The following CLIP1 variants were observed in gnomAD, a reference collection of about 807,000 sequenced individuals.
CLIP1 encodes CAP-Gly domain containing linker protein 1, also known as CAP-Gly domain-containing linker protein 1.
In CLIP1, 66 loss-of-function variants were observed where a neutral mutation model predicts 161.6. That is an observed-to-expected ratio of 0.41 (90% confidence interval 0.33 to 0.50). The LOEUF (loss-of-function observed/expected upper bound fraction) is 0.50. Among genes scored for constraint, CLIP1 ranks in the 20% least tolerant of loss-of-function variants. CLIP1 has a pLI of 0.27. For synonymous variants in CLIP1, 598 were observed against 626.2 expected, an observed-to-expected ratio of 0.96 and a Z score of 0.67; for missense variants, 1,376 against 1,702.0, an observed-to-expected ratio of 0.81 and a Z score of 3.37.
chr12:122,408,137 G>A (rs1956398091), intron 1 of CLIP1, among the ~76,000 whole-genome samples: 1 of 150,812 alleles, frequency 6.6e-6, no homozygotes, highest in Non-Finnish European at 1.5e-5. Flanking sequence ...TCAGGAGGCT[G>A]AGGCAGGACA....
chr12:122,361,518 CCAAA>C (rs1177550865), intron 4 of CLIP1, among the ~76,000 whole-genome samples: 7 of 152,154 alleles, frequency 4.6e-5, no homozygotes, highest in African/African-American at 1.4e-4. Context: ...TAAAACCGTG[CCAAA>C]CAAAGGGAAA....
At chr12:122,404,144 G>A (rs1460794082) in intron 1 of CLIP1, among the ~76,000 whole-genome samples, 1 of 152,232 alleles carries the variant, frequency 6.6e-6, no homozygotes, top group Non-Finnish European at 1.5e-5. Flanking sequence ...TGAACACAGG[G>A]AAAATGTGTG....
At chr12:122,276,578 G>A (rs905944883) in intron 24 of CLIP1, 9 of 996,024 alleles carry the variant, frequency 9.0e-6, no homozygotes, top group South Asian at 1.5e-5. Flanking sequence ...TGGTAAGTTT[G>A]TACAGTGTTG....
chr12:122,340,897 A>G lies in CLIP1; in HGVS notation c.2307T>C (p.Thr769=). The stretch of plus-strand genomic sequence containing the variant: ...CATCAAGATCCAAGAGCTTTTCTTC[A>G]GTAGCCTTGAGCTGTGATGTAAAAT... ...IDNFTSQLKA[T]EEKLLDLDAL... Residue 769 remains threonine (T), a synonymous_variant, in exon 11 of 26, where the codon ACT becomes ACC. Coordinates refer to ENST00000620786, the MANE Select transcript of CLIP1 (RefSeq NM_001247997.2). The G allele has an allele frequency of 6.2e-7, 1 of 1,614,180 alleles. No homozygotes were observed. Among genetic ancestry groups the G allele is most frequent in the Non-Finnish European group, 8.5e-7 (1 of 1,180,036 alleles).
At chr12:122,333,944 T>TTGTTATGTATGTAGTA in intron 14 of CLIP1, 83 bp downstream of exon 14, 1 of 816,350 alleles carries the variant, frequency 1.2e-6, no homozygotes, top group Non-Finnish European at 2.1e-6. Context: ...AATAGTACAT[T>TTGTTATGTATGTAGTA]TGTTATGTAA....
chr12:122,346,030 C>G (rs1952731216), intron 10 of CLIP1, among the ~76,000 whole-genome samples: 1 of 152,108 alleles, frequency 6.6e-6, no homozygotes, highest in African/African-American at 2.4e-5. Context: ...AGGTGATCCA[C>G]CCACCTCAGC....
chr12:122,292,302 T>A (rs1031707173), intron 20 of CLIP1, among the ~76,000 whole-genome samples: 1 of 152,044 alleles, frequency 6.6e-6, no homozygotes, highest in African/African-American at 2.4e-5. Context: ...TACTCCTGGC[T>A]TCCATTTATT....
chr12:122,417,625 G>C (rs1045097923), intron 1 of CLIP1, among the ~76,000 whole-genome samples: 1 of 147,604 alleles, frequency 6.8e-6, no homozygotes, highest in Non-Finnish European at 1.5e-5. Context: ...CCATTCTCCT[G>C]CCTCAGCCTC....
At chr12:122,331,189 T>A (rs754648162) in intron 15 of CLIP1, among the ~76,000 whole-genome samples, 23 of 151,558 alleles carry the variant, frequency 1.5e-4, no homozygotes, top group Non-Finnish European at 2.6e-4. Context: ...TAATTTTGTA[T>A]CTTTAGTAGA....
intron 17 of CLIP1, among the ~76,000 whole-genome samples, chr12:122,324,965 A>G (rs1025041190): frequency 1.3e-5 from 2 of 151,966 alleles, no homozygotes; most frequent in Admixed American, 1.3e-4. Context: ...ACTAAAAGGA[A>G]TAGTTTTTTT....
intron 3 of CLIP1, among the ~76,000 whole-genome samples, chr12:122,365,851 ATAAAAAAAATTAG>A (rs1320548939): frequency 6.6e-6 from 1 of 151,864 alleles, no homozygotes; most frequent in Non-Finnish European, 1.5e-5. Context: ...TGTACAAATA[ATAAAAAAAATTAG>A]CCGGGCATAG....
intron 3 of CLIP1, chr12:122,365,177 T>C: frequency 2.3e-6 from 1 of 430,916 alleles, no homozygotes; most frequent in South Asian, 4.0e-5. Flanking sequence ...ATGGCACATG[T>C]ATACATATGT....
rs1951689662 is a variant in CLIP1 at position 122,325,707 on chromosome 12, G to GCA, written c.3249+2238_3249+2239dup. ...CTCACTCTGTCACCCAGGCCAGAGT[G>GCA]CAGTGGCACCATCTCAGCTCACTGC... On this transcript the variant is annotated intron_variant, in intron 17 of 25. Coordinates refer to ENST00000620786, the MANE Select transcript of CLIP1 (RefSeq NM_001247997.2). Among the ~76,000 whole-genome samples the GCA allele has an allele frequency of 2.0e-5, 3 of 152,220 alleles. No individual in the cohort carries two copies. The South Asian group carries it at 6.3e-4, about 32-fold the overall frequency.
Position 122,357,814 on chromosome 12 carries a change from G to C in CLIP1, c.1006-2502C>G, listed in dbSNP as rs571385280. Among the ~76,000 whole-genome samples, 4 of 142,266 alleles carry C rather than the reference G, an allele frequency of 2.8e-5. No homozygotes were observed. In the South Asian group the frequency reaches 6.8e-4, roughly 24 times the overall value. 93.3% of individuals were successfully genotyped at this position (142,266 alleles called of 152,430 possible). A position where few individuals can be genotyped will look rare whatever the true frequency, so the allele number is the denominator to read the frequency against. The stretch of plus-strand genomic sequence containing the variant: ...TAGCCGCCCCATCCGGGAGGGAGGT[G>C]GGGGGGGTCAGCCCCCCGCCCGGCC... On this transcript the variant is annotated intron_variant, in intron 5 of 25. Transcript: ENST00000620786.
At chr12:122,278,121 C>A (rs1263464035) in intron 24 of CLIP1, 33 bp downstream of exon 24, 2 of 1,579,024 alleles carry the variant, frequency 1.3e-6, no homozygotes, top group South Asian at 2.3e-5. Context: ...TGAAAAACAG[C>A]AAGAAAGTAA....
Position 122,319,244 on chromosome 12 carries a change from T to C in CLIP1, c.3354A>G (p.Lys1118=), listed in dbSNP as rs372676041. 12 of 1,607,648 alleles carry C rather than the reference T, an allele frequency of 7.5e-6. No homozygotes were observed. The African/African-American group carries it at 1.5e-4, about 20-fold the overall frequency. Residue 1118 remains lysine, a synonymous_variant, in exon 18 of 26, where the codon AAA becomes AAG. Coordinates refer to ENST00000620786, the MANE Select transcript of CLIP1 (RefSeq NM_001247997.2). The part of the protein sequence containing the change: ...SLEDTKQTNA[K]LQNELDTLKE... Reference sequence around the variant, plus strand: ...TAAATCTGATTACTTCATTCTGTAGTTTTGCATTTGTTTGCTTGGTGTCCT... The same window carrying C: ...TAAATCTGATTACTTCATTCTGTAGCTTTGCATTTGTTTGCTTGGTGTCCT...
At chr12:122,387,759 T>A (rs1955391231) in intron 1 of CLIP1, among the ~76,000 whole-genome samples, 1 of 151,346 alleles carries the variant, frequency 6.6e-6, no homozygotes, top group Admixed American at 6.6e-5. Context: ...GCCAAATTTT[T>A]ATTTTTTTGT....
chr12:122,282,903 T>C lies in CLIP1; in HGVS notation c.3648-3758A>G, dbSNP rs542689241. On this transcript the variant is annotated intron_variant, in intron 21 of 25. Transcript: ENST00000620786. ...GGAAAAGAGAGGGGTGAAATGAGCA[T>C]TGGTAAGTAGCGCAAGCTCGGAGAC... Among the ~76,000 whole-genome samples, 10 of 152,046 alleles carry C rather than the reference T, an allele frequency of 6.6e-5. No individual in the cohort carries two copies. The South Asian group carries it at 2.1e-3, about 32-fold the overall frequency.
In CLIP1 at chr12:122,271,521, A is replaced by G. The variant is rs1055863648; in HGVS notation, c.*1354T>C. 7.9e-5 allele frequency: 12 copies of G among 152,662 alleles called. No individual in the cohort carries two copies. Among genetic ancestry groups the G allele is most frequent in the African/African-American group, 2.9e-4 (12 of 41,464 alleles). 9.5% of individuals were successfully genotyped at this position (152,662 alleles called of 1,614,324 possible). ...TTACATGTTTTCTGTTTGTGAAACAATTCGTATTACATTTATAACCAAAAA... is the reference window on the plus strand; with the variant it reads ...TTACATGTTTTCTGTTTGTGAAACAGTTCGTATTACATTTATAACCAAAAA... On this transcript the variant is annotated 3_prime_UTR_variant, in exon 26 of 26. Coordinates refer to ENST00000620786, the MANE Select transcript of CLIP1 (RefSeq NM_001247997.2).
Sources: gnomAD v4.1 joint callset for allele counts (sites outside exome capture counted in the v4.1 genomes callset) on GRCh38, gnomAD v4.1.1 for gene constraint, MANE v1.5 for transcripts, NCBI Gene and HGNC (gene_info 2026-07-23, HGNC 2026-07-21) for gene names.